The following PROSER2 variants were observed in gnomAD, a reference collection of about 807,000 sequenced individuals.
PROSER2 encodes the protein proline and serine-rich protein 2.
A neutral mutation model predicts 14.6 loss-of-function variants in PROSER2; 18 were observed. The ratio of observed to expected loss-of-function variants is 1.23; its 90% CI spans 0.85 to 1.83. The LOEUF (loss-of-function observed/expected upper bound fraction) is 1.83. PROSER2 is among the 40% of genes most tolerant of loss of function. The probability of loss-of-function intolerance (pLI) is 0.00; values close to 1 mark genes in which losing one functional copy is unlikely to be tolerated. For missense variants in PROSER2, 823 were observed against 629.8 expected, an observed-to-expected ratio of 1.31 and a Z score of -3.28; for synonymous variants, 367 against 286.4, an observed-to-expected ratio of 1.28 and a Z score of -2.84.
chr10:11,838,409 A>T lies in PROSER2; in HGVS notation c.-81-13588A>T, dbSNP rs570216224. ...ATTTACCACGTTTCTACTTATAGAA[A>T]GTTCATGGTAGGCGAAGAACCTGGA... is the stretch of plus-strand genomic sequence containing the variant. On this transcript the variant is annotated intron_variant, in intron 1 of 3. Coordinates refer to ENST00000277570, the MANE Select transcript of PROSER2 (RefSeq NM_153256.4). The surrounding 1 kb of genome is among the most constrained non-coding windows in gnomAD (Gnocchi z 4.4). Among the ~76,000 whole-genome samples the T allele has an allele frequency of 2.4e-4, 37 of 152,348 alleles. No homozygotes were observed. The South Asian group carries it at 6.6e-3, about 27-fold the overall frequency.
chr10:11,831,237 G>A (rs1833685354), intron 1 of PROSER2, among the ~76,000 whole-genome samples: 1 of 152,072 alleles, frequency 6.6e-6, no homozygotes, highest in African/African-American at 2.4e-5. Context: ...GGGTGGGGGT[G>A]TTGGGGGAGC....
chr10:11,858,784 G>T (rs1265665371), intron 2 of PROSER2, among the ~76,000 whole-genome samples: 3 of 151,984 alleles, frequency 2.0e-5, no homozygotes, highest in African/African-American at 7.2e-5. Context: ...GCCGAGGCGG[G>T]TAGATCACAA....
At chr10:11,843,970 A>G (rs1175864266) in intron 1 of PROSER2, among the ~76,000 whole-genome samples, 1 of 151,648 alleles carries the variant, frequency 6.6e-6, no homozygotes, top group Non-Finnish European at 1.5e-5. Context: ...CACTTCTTTG[A>G]AAATAATCTG....
intron 2 of PROSER2, among the ~76,000 whole-genome samples, chr10:11,861,244 A>C (rs902957525): frequency 5.9e-5 from 9 of 152,136 alleles, no homozygotes; most frequent in African/African-American, 2.2e-4. Flanking sequence ...ATTGACTGAC[A>C]TGTCATTTCC....
At position 11,866,523 on chromosome 10, in the gene PROSER2, T is replaced by C. The variant is rs1834351313; in HGVS notation, c.139-8T>C. On this transcript the variant is annotated splice_region_variant and splice_polypyrimidine_tract_variant and intron_variant, in intron 2 of 3. Transcript: ENST00000277570. The surrounding 1 kb of genome is among the most constrained non-coding windows in gnomAD (Gnocchi z 6.0). Reference sequence around the variant, plus strand: ...TTCTCTCTTCTGTTCCCAATCCCTGTACTCTAGGATGATGAGAGCCTGAAG... The same window carrying C: ...TTCTCTCTTCTGTTCCCAATCCCTGCACTCTAGGATGATGAGAGCCTGAAG... 6.2e-7 allele frequency: 1 copy of C among 1,613,768 alleles called. No homozygotes were observed. The highest frequency in any genetic ancestry group is 1.3e-5 in the African/African-American group (1 of 74,936).
At chr10:11,867,305 A>G (rs1834373340) in intron 3 of PROSER2, among the ~76,000 whole-genome samples, 1 of 150,846 alleles carries the variant, frequency 6.6e-6, no homozygotes, top group African/African-American at 2.4e-5. Context: ...CTGGGCACAT[A>G]AGCAGAGTTT....
chr10:11,864,021 G>T (rs1401028325), intron 2 of PROSER2, among the ~76,000 whole-genome samples: 2 of 152,008 alleles, frequency 1.3e-5, no homozygotes, highest in African/African-American at 4.8e-5. Flanking sequence ...CTGTTACCTG[G>T]CTCCGTGTCT....
chr10:11,854,619 GTTTT>G (rs11342646), intron 2 of PROSER2, among the ~76,000 whole-genome samples: 3 of 146,338 alleles, frequency 2.1e-5, no homozygotes, highest in African/African-American at 7.5e-5. Flanking sequence ...CCTGCTGAAA[GTTTT>G]TTTTTTTTTT....
chr10:11,840,980 ATATATATAT>A (rs1258096913), intron 1 of PROSER2, among the ~76,000 whole-genome samples: 107 of 116,270 alleles, frequency 9.2e-4, no homozygotes, highest in South Asian at 1.6e-3. Flanking sequence ...ATATATATAT[ATATATATAT>A]ATGATGGTGG....
chr10:11,834,226 C>T (rs913473173), intron 1 of PROSER2, among the ~76,000 whole-genome samples: 2 of 150,620 alleles, frequency 1.3e-5, no homozygotes, highest in Admixed American at 6.6e-5. Flanking sequence ...ATCTTTTGAC[C>T]TCGTGACTTA....
chr10:11,826,148 G>A (rs574603841), intron 1 of PROSER2, among the ~76,000 whole-genome samples: 6 of 152,142 alleles, frequency 3.9e-5, no homozygotes, highest in South Asian at 2.1e-4. Flanking sequence ...TGTGTCTGGC[G>A]TCTTTGACTT....
At position 11,869,410 on chromosome 10, in the gene PROSER2, T is replaced by A. The variant is rs1271041355; in HGVS notation, c.392-80T>A. The stretch of plus-strand genomic sequence containing the variant: ...GGTGTCAGGTCCAGGTTGAGGCTCT[T>A]TTCAGTTCAGCGAGAGGGAACTTCA... On this transcript the variant is annotated intron_variant, in intron 3 of 3. Coordinates refer to ENST00000277570, the MANE Select transcript of PROSER2 (RefSeq NM_153256.4). This position sits in a 1 kb window ranked among gnomAD's most constrained non-coding sequence, Gnocchi z 4.4. The A allele has an allele frequency of 1.6e-5, 18 of 1,107,300 alleles. No individual in the cohort carries two copies. Among genetic ancestry groups the A allele is most frequent in the Non-Finnish European group, 2.5e-5 (18 of 731,774 alleles). 68.6% of individuals were successfully genotyped at this position (1,107,300 alleles called of 1,614,324 possible).
chr10:11,847,993 T>C (rs944838338), intron 1 of PROSER2, among the ~76,000 whole-genome samples: 3 of 152,200 alleles, frequency 2.0e-5, no homozygotes, highest in Non-Finnish European at 2.9e-5. Flanking sequence ...AGGAGATCAT[T>C]TGGTAAGAGT....
Position 11,869,644 on chromosome 10 carries a change from G to A in PROSER2, c.546G>A (p.Val182=), listed in dbSNP as rs1477325370. 2 of 1,601,720 alleles carry A rather than the reference G, an allele frequency of 1.2e-6. No homozygotes were observed. The highest frequency in any genetic ancestry group is 1.7e-5 in the Admixed American group (1 of 58,826). ...AGCTGCGCGCCCCCTCCCCGCCGGTGGAGCACCCCAGACTCCTGCGCTCTG... is the reference window on the plus strand; with the variant it reads ...AGCTGCGCGCCCCCTCCCCGCCGGTAGAGCACCCCAGACTCCTGCGCTCTG... ...RRELRAPSPP[V]EHPRLLRSVP... is the part of the protein sequence containing the mutation. Residue 182 remains valine (V), a synonymous_variant, in exon 4 of 4, where the codon GTG becomes GTA. Coordinates refer to ENST00000277570, the MANE Select transcript of PROSER2 (RefSeq NM_153256.4). This position sits in a 1 kb window ranked among gnomAD's most constrained non-coding sequence, Gnocchi z 4.4.
intron 2 of PROSER2, among the ~76,000 whole-genome samples, chr10:11,861,101 T>TA (rs1369264912): frequency 6.6e-6 from 1 of 152,156 alleles, no homozygotes; most frequent in African/African-American, 2.4e-5. Flanking sequence ...GCAAGACTCC[T>TA]AAAAAATAAT....
rs558283551 is a variant in PROSER2 at position 11,842,931 on chromosome 10, C to CTTTTTTTTTTTT, written c.-81-9050_-81-9039dup. ...TTTTCTATACTATTTTGCCATTGTT[C>CTTTTTTTTTTTT]TTTTTTTTTTTTTTTTTTTTTTTTT... On this transcript the variant is annotated intron_variant, in intron 1 of 3. Coordinates refer to ENST00000277570, the MANE Select transcript of PROSER2 (RefSeq NM_153256.4). Among the ~76,000 whole-genome samples, 106 of 51,944 alleles carry CTTTTTTTTTTTT rather than the reference C, an allele frequency of 2.0e-3. 18 individuals carry two copies. The highest frequency in any genetic ancestry group is 4.1e-3 in the South Asian group (4 of 978). 34.1% of individuals were successfully genotyped at this position (51,944 alleles called of 152,430 possible).
Position 11,869,520 on chromosome 10 carries a change from A to G in PROSER2, c.422A>G (p.Lys141Arg). The G allele has an allele frequency of 1.2e-6, 2 of 1,613,714 alleles. No individual in the cohort carries two copies. Among genetic ancestry groups the G allele is most frequent in the Non-Finnish European group, 8.5e-7 (1 of 1,179,814 alleles). The change falls in exon 4 of 4, where the codon AAA becomes AGA. Residue 141 changes from lysine (K) to arginine (R), a missense_variant. Physicochemically the swap from Lys to Arg is conservative, Grantham distance 26 (BLOSUM62 2). Transcript: ENST00000277570. This position sits in a 1 kb window ranked among gnomAD's most constrained non-coding sequence, Gnocchi z 4.4. ...GCACCTGCTGGGAAGGAGCACAGGAAACAAGATGCTGAGACTCCTCCACCT... is the reference window on the plus strand; with the variant it reads ...GCACCTGCTGGGAAGGAGCACAGGAGACAAGATGCTGAGACTCCTCCACCT... The part of the protein sequence containing the change: ...GPAPAGKEHR[K>R]QDAETPPPPD...
intron 2 of PROSER2, among the ~76,000 whole-genome samples, chr10:11,854,300 A>G (rs1242649860): frequency 6.6e-6 from 1 of 152,190 alleles, no homozygotes. Context: ...AATGACAACT[A>G]AAGTGGTTTT....
intron 1 of PROSER2, among the ~76,000 whole-genome samples, chr10:11,835,939 T>C (rs1302213606): frequency 6.6e-6 from 1 of 152,208 alleles, no homozygotes; most frequent in African/African-American, 2.4e-5. Context: ...TGAAACGCTC[T>C]CATTCATGGT....
Sources: allele counts gnomAD v4.1 joint callset (sites outside exome capture counted in the v4.1 genomes callset), GRCh38; gene constraint gnomAD v4.1.1; non-coding constraint Gnocchi (gnomAD v3.1); transcripts MANE v1.5; gene names NCBI Gene and HGNC (gene_info 2026-07-23, HGNC 2026-07-21).